Variants in ECM2 observed in about 807,000 individuals in gnomAD.
ECM2 encodes extracellular matrix protein 2.
A neutral mutation model predicts 67.5 loss-of-function variants in ECM2; 57 were observed. The observed-to-expected ratio is 0.84, with a 90% CI of 0.68 to 1.05. ECM2 has a LOEUF of 1.05. Ranked by LOEUF, ECM2 falls within the 50% of genes least tolerant of loss-of-function variation. The pLI, the probability that ECM2 is intolerant of heterozygous loss-of-function variation, is 0.00. For missense variants in ECM2, 741 were observed against 822.8 expected, an observed-to-expected ratio of 0.90 and a Z score of 1.22; for synonymous variants, 258 against 294.5, an observed-to-expected ratio of 0.88 and a Z score of 1.27.
At chr9:92,548,291 AAAG>A in the ECM2 span, among the ~76,000 whole-genome samples, 87 of 152,322 alleles carry the variant, frequency 5.7e-4, 1 homozygote, top group African/African-American at 1.8e-3. Flanking sequence ...GCTCTACTTC[AAAG>A]AAGATCAGAC....
At chr9:92,552,075 T>G in the ECM2 span, among the ~76,000 whole-genome samples, 1 of 126,048 alleles carries the variant, frequency 7.9e-6, no homozygotes, top group Non-Finnish European at 1.6e-5. Context: ...ATATGATAGA[T>G]CTATCATATA....
At chr9:92,551,853 A>C in the ECM2 span, among the ~76,000 whole-genome samples, 1 of 150,298 alleles carries the variant, frequency 6.7e-6, no homozygotes, top group East Asian at 1.9e-4. Context: ...GTGTGTATAT[A>C]TATATAATGG....
At chr9:92,544,361 A>G in the ECM2 span, among the ~76,000 whole-genome samples, 17 of 152,338 alleles carry the variant, frequency 1.1e-4, no homozygotes, top group Non-Finnish European at 2.5e-4. Context: ...CTGTAAACCC[A>G]GCTGTTTGGG....
intron 9 of ECM2, among the ~76,000 whole-genome samples, chr9:92,497,362 C>T (rs1846405025): frequency 6.6e-6 from 1 of 152,248 alleles, no homozygotes; most frequent in East Asian, 1.9e-4. Flanking sequence ...TGGTGGCTCA[C>T]ACCTGTCATC....
chr9:92,502,620 T>G lies in ECM2; in HGVS notation c.1497A>C (p.Glu499Asp). Reference sequence around the variant, plus strand: ...TATGATTGAAACAAATTTCAGTTATTTCTTCAATTTGGTTATTTTCTAGGT... The same window carrying G: ...TATGATTGAAACAAATTTCAGTTATGTCTTCAATTTGGTTATTTTCTAGGT... ...ELYLENNQIE[E>D]ITEICFNHTR... The change falls in exon 8 of 10, where the codon GAA (glutamate) becomes GAC (aspartate). Residue 499 changes from glutamate to aspartate, a missense_variant. Physicochemically the swap from Glu to Asp is conservative, Grantham distance 45 (BLOSUM62 2). Coordinates refer to ENST00000344604, the MANE Select transcript of ECM2 (RefSeq NM_001393.4). The G allele has an allele frequency of 1.3e-6, 2 of 1,599,598 alleles. No homozygotes were observed. Among genetic ancestry groups the G allele is most frequent in the Non-Finnish European group, 1.7e-6 (2 of 1,169,220 alleles).
intron 6 of ECM2, among the ~76,000 whole-genome samples, chr9:92,506,594 G>T: frequency 6.6e-6 from 1 of 152,308 alleles, no homozygotes; most frequent in Non-Finnish European, 1.5e-5. Context: ...GTGGGACTCC[G>T]TTCTGCTCTT....
chr9:92,515,232 G>C lies in ECM2; in HGVS notation c.482-29C>G, dbSNP rs531572399. The C allele has an allele frequency of 5.5e-4, 815 of 1,481,776 alleles. 6 individuals are homozygous for C. The South Asian group carries it at 0.012, about 22-fold the overall frequency. The allele number at this position is 1,481,776 out of a possible 1,614,324, so 91.8% of individuals were successfully genotyped here. On this transcript the variant is annotated intron_variant, in intron 3 of 9. Coordinates refer to ENST00000344604, the MANE Select transcript of ECM2 (RefSeq NM_001393.4). The stretch of plus-strand genomic sequence containing the variant: ...ATGACCACGCAAGGATGAGGTAGCA[G>C]AGATAAGTTGATGATATTAATAAAA...
chr9:92,514,499 C>G (rs543249063), intron 4 of ECM2, 132 bp downstream of exon 4: 1 of 1,251,658 alleles, frequency 8.0e-7, no homozygotes, highest in African/African-American at 1.5e-5. Flanking sequence ...GGTCTCAAAC[C>G]CCTGACCTCA....
chr9:92,550,546 G>A, the ECM2 span, among the ~76,000 whole-genome samples: 1 of 148,026 alleles, frequency 6.8e-6, no homozygotes, highest in Non-Finnish European at 1.5e-5. Context: ...TCTTAGACCT[G>A]TTTTTTTTTT....
chr9:92,503,873 T>C (rs912533541), intron 7 of ECM2, among the ~76,000 whole-genome samples: 1 of 152,214 alleles, frequency 6.6e-6, no homozygotes, highest in Non-Finnish European at 1.5e-5. Flanking sequence ...TCTGCAGCTG[T>C]AGGAAAGAAT....
At chr9:92,514,509 A>G (rs1422086507) in intron 4 of ECM2, 122 bp downstream of exon 4, 3 of 1,316,104 alleles carry the variant, frequency 2.3e-6, no homozygotes, top group Non-Finnish European at 3.0e-6. Flanking sequence ...CCCTGACCTC[A>G]GGTGATCTGG....
At chr9:92,519,686 G>T (rs977700106) in intron 2 of ECM2, among the ~76,000 whole-genome samples, 6 of 151,410 alleles carry the variant, frequency 4.0e-5, no homozygotes, top group African/African-American at 1.5e-4. Context: ...CTTATATTTA[G>T]ACCTTTGCTG....
the ECM2 span, among the ~76,000 whole-genome samples, chr9:92,554,380 A>C: frequency 6.6e-6 from 1 of 151,922 alleles, no homozygotes. Flanking sequence ...ATGGGGTTTC[A>C]CCATTTTGGT....
At chr9:92,543,748 T>C in the ECM2 span, among the ~76,000 whole-genome samples, 1 of 152,178 alleles carries the variant, frequency 6.6e-6, no homozygotes, top group African/African-American at 2.4e-5. Flanking sequence ...GGTTTCAGTG[T>C]AGAGATCTTT....
the ECM2 span, among the ~76,000 whole-genome samples, chr9:92,556,039 T>C: frequency 6.6e-6 from 1 of 152,178 alleles, no homozygotes; most frequent in Non-Finnish European, 1.5e-5. Context: ...CTATGAACTT[T>C]CCTCTTAGCA....
At chr9:92,498,382 T>A (rs1334328099) in intron 9 of ECM2, among the ~76,000 whole-genome samples, 1 of 152,036 alleles carries the variant, frequency 6.6e-6, no homozygotes, top group Non-Finnish European at 1.5e-5. Flanking sequence ...CACACCAACA[T>A]GGCACATGTA....
At chr9:92,521,671 A>T (rs898865065) in intron 2 of ECM2, among the ~76,000 whole-genome samples, 1 of 152,216 alleles carries the variant, frequency 6.6e-6, no homozygotes, top group Non-Finnish European at 1.5e-5. Flanking sequence ...GTTTTTAAAA[A>T]TGCCTAATTG....
chr9:92,504,871 G>A (rs1308994171), intron 7 of ECM2, among the ~76,000 whole-genome samples: 1 of 152,214 alleles, frequency 6.6e-6, no homozygotes, highest in East Asian at 1.9e-4. Context: ...AATGAGGGGT[G>A]TTGACATTCA....
At chr9:92,521,826 A>G (rs1848087581) in intron 2 of ECM2, among the ~76,000 whole-genome samples, 1 of 152,202 alleles carries the variant, frequency 6.6e-6, no homozygotes, top group Admixed American at 6.5e-5. Context: ...TCACAGAATC[A>G]TCTGAATAAT....
Sources: allele counts gnomAD v4.1 joint callset (sites outside exome capture counted in the v4.1 genomes callset), GRCh38; gene constraint gnomAD v4.1.1; transcripts MANE v1.5; gene names NCBI Gene and HGNC (gene_info 2026-07-23, HGNC 2026-07-21).